CLCA1: variants seen among roughly 807,000 people sequenced by gnomAD.
CLCA1 encodes calcium-activated chloride channel regulator 1.
Under a neutral mutation model 85.6 loss-of-function variants are expected in CLCA1, and 59 were observed. That is an observed-to-expected ratio of 0.69 (90% CI 0.56 to 0.86). The LOEUF is 0.86. Among genes scored for constraint, CLCA1 ranks in the 40% least tolerant of loss-of-function variants. CLCA1 has a pLI of 0.00. For missense variants in CLCA1, 1,022 were observed against 1,101.4 expected (o/e 0.93, Z 1.02); for synonymous variants, 396 against 398.3 (o/e 0.99, Z 0.07).
intron 4 of CLCA1, among the ~76,000 whole-genome samples, 182 bp downstream of exon 4, chr1:86,476,735 A>G (rs1647646643): frequency 6.6e-6 from 1 of 152,110 alleles, no homozygotes; most frequent in Non-Finnish European, 1.5e-5. Context: ...TGCTTCAGTT[A>G]ATTGAATTAT....
intron 6 of CLCA1, 66 bp downstream of exon 6, chr1:86,485,627 C>G: frequency 7.0e-7 from 1 of 1,431,244 alleles, no homozygotes; most frequent in Non-Finnish European, 9.8e-7. Context: ...GACCCTGACT[C>G]GGAACTAGTT....
chr1:86,490,340 T>A (rs1235176165), intron 8 of CLCA1, among the ~76,000 whole-genome samples: 3 of 152,208 alleles, frequency 2.0e-5, no homozygotes, highest in Non-Finnish European at 2.9e-5. Context: ...ATTATTTCCT[T>A]AAGTTCAGAT....
At chr1:86,484,586 G>A (rs1468861942) in intron 5 of CLCA1, among the ~76,000 whole-genome samples, 1 of 152,178 alleles carries the variant, frequency 6.6e-6, no homozygotes, top group Non-Finnish European at 1.5e-5. Context: ...CTGTGAGGTG[G>A]AACAAACAGA....
chr1:86,480,460 A>C (rs936317283), intron 4 of CLCA1, among the ~76,000 whole-genome samples: 7 of 151,884 alleles, frequency 4.6e-5, no homozygotes, highest in African/African-American at 1.7e-4. Flanking sequence ...CCTTCTCTAC[A>C]AAAAATACAA....
At position 86,494,173 on chromosome 1, in the gene CLCA1, T is replaced by A. The variant is rs745568688; in HGVS notation, c.1681-14T>A. 6.2e-7 allele frequency: 1 copy of A among 1,613,534 alleles called. No homozygotes were observed. Among genetic ancestry groups the A allele is most frequent in the East Asian group, 2.2e-5 (1 of 44,868 alleles). On this transcript the variant is annotated splice_polypyrimidine_tract_variant and intron_variant, in intron 10 of 13. Coordinates refer to ENST00000394711, the MANE Select transcript of CLCA1 (RefSeq NM_001285.4). ...AAGTTATTCATTGGAAATGTTTACA[T>A]GTGTTTTGGTCAGGTTGGCACTTGG...
intron 12 of CLCA1, among the ~76,000 whole-genome samples, chr1:86,498,183 GAA>G (rs1648350173): frequency 2.5e-5 from 3 of 119,994 alleles, no homozygotes; most frequent in Non-Finnish European, 5.2e-5. Context: ...AGGAAGGAAG[GAA>G]GGATGGAAGG....
chr1:86,490,190 T>C (rs979735285), intron 8 of CLCA1, among the ~76,000 whole-genome samples: 2 of 152,166 alleles, frequency 1.3e-5, no homozygotes, highest in African/African-American at 4.8e-5. Flanking sequence ...GCATGTTATT[T>C]CTCTAGGTAG....
intron 4 of CLCA1, among the ~76,000 whole-genome samples, chr1:86,478,688 A>T (rs1009130966): frequency 6.6e-6 from 1 of 152,258 alleles, no homozygotes; most frequent in Non-Finnish European, 1.5e-5. Context: ...AGAAAGGGTG[A>T]TTAGTAGTAT....
Position 86,485,413 on chromosome 1 carries a change from T to C in CLCA1, c.806T>C (p.Leu269Pro). The C allele has an allele frequency of 6.2e-7, 1 of 1,614,130 alleles. No homozygotes were observed. Among genetic ancestry groups the C allele is most frequent in the Non-Finnish European group, 8.5e-7 (1 of 1,180,020 alleles). Residue 269 changes from leucine to proline, a missense_variant, in exon 6 of 14, where the codon CTC becomes CCC. Physicochemically the swap from Leu to Pro is moderately conservative, Grantham distance 98. Coordinates refer to ENST00000394711, the MANE Select transcript of CLCA1 (RefSeq NM_001285.4). ...APNKQNQKCN[L>P]RSTWEVIRDS... Reference sequence around the variant, plus strand: ...AACAAGCAAAATCAAAAATGCAATCTCCGAAGCACATGGGAAGTGATCCGT... The same window carrying C: ...AACAAGCAAAATCAAAAATGCAATCCCCGAAGCACATGGGAAGTGATCCGT...
chr1:86,489,698 G>A lies in CLCA1; in HGVS notation c.1357+528G>A, dbSNP rs1370941547. 3.9e-5 allele frequency among the ~76,000 whole-genome samples: 6 copies of A among 152,144 alleles called. No homozygotes were observed. In the East Asian group the frequency reaches 7.7e-4, roughly 20 times the overall value. On this transcript the variant is annotated intron_variant, in intron 8 of 13. Coordinates refer to ENST00000394711, the MANE Select transcript of CLCA1 (RefSeq NM_001285.4). ...TGCAGTTCCTCCATAAAACCTTCAC[G>A]TATTGTGTGTCTAACTCCCATACAC...
intron 3 of CLCA1, 60 bp downstream of exon 3, chr1:86,473,936 C>T: frequency 8.2e-7 from 1 of 1,223,936 alleles, no homozygotes; most frequent in East Asian, 2.4e-5. Context: ...CAAAGTGTAT[C>T]AACACTAGCA....
At chr1:86,496,736 A>G (rs1007989402) in intron 12 of CLCA1, among the ~76,000 whole-genome samples, 1 of 151,814 alleles carries the variant, frequency 6.6e-6, no homozygotes, top group Middle Eastern at 3.2e-3. Context: ...AAAAGATACC[A>G]CTGCATTTTT....
At chr1:86,490,899 TAAAAAAA>T (rs59948810) in intron 8 of CLCA1, among the ~76,000 whole-genome samples, 1 of 89,708 alleles carries the variant, frequency 1.1e-5, no homozygotes, top group African/African-American at 4.0e-5. Flanking sequence ...AACCCATCTC[TAAAAAAA>T]AAAAAAAAAA....
At chr1:86,481,405 C>A (rs893609179) in intron 4 of CLCA1, among the ~76,000 whole-genome samples, 3 of 152,016 alleles carry the variant, frequency 2.0e-5, no homozygotes, top group African/African-American at 7.2e-5. Flanking sequence ...TCCCAAAGTG[C>A]TGGGATTACA....
intron 8 of CLCA1, among the ~76,000 whole-genome samples, chr1:86,490,586 T>C (rs1233266640): frequency 6.6e-6 from 1 of 152,172 alleles, no homozygotes; most frequent in Non-Finnish European, 1.5e-5. Context: ...AGTAAATCGA[T>C]AGTCCTGGAG....
Position 86,469,089 on chromosome 1 carries a change from G to C in CLCA1, c.118G>C (p.Asp40His), listed in dbSNP as rs765003183. ...CTATGAAGGCATTGTCGTTGCAATCGACCCCAATGTGCCAGAAGATGAAAC... is the reference window on the plus strand; with the variant it reads ...CTATGAAGGCATTGTCGTTGCAATCCACCCCAATGTGCCAGAAGATGAAAC... The part of the protein sequence containing the change: ...NGYEGIVVAI[D>H]PNVPEDETLI... Residue 40 changes from aspartate (D) to histidine (H), a missense_variant, in exon 1 of 14, where the codon GAC becomes CAC. Transcript: ENST00000394711. The C allele has an allele frequency of 1.9e-6, 3 of 1,611,392 alleles. No individual in the cohort carries two copies. Among genetic ancestry groups the C allele is most frequent in the Non-Finnish European group, 2.5e-6 (3 of 1,178,412 alleles).
chr1:86,487,164 A>C (rs1368427465), intron 7 of CLCA1, among the ~76,000 whole-genome samples: 1 of 152,174 alleles, frequency 6.6e-6, no homozygotes, highest in African/African-American at 2.4e-5. Flanking sequence ...AGTTCCCTGA[A>C]AGTGGTTTCT....
intron 4 of CLCA1, among the ~76,000 whole-genome samples, chr1:86,478,052 T>C (rs911655098): frequency 6.6e-6 from 1 of 152,206 alleles, no homozygotes; most frequent in African/African-American, 2.4e-5. Context: ...TACTTTTCTC[T>C]TTCTTTATAA....
In CLCA1 at chr1:86,486,545, G is replaced by T. The variant is rs778883060; in HGVS notation, c.974G>T (p.Arg325Leu). The T allele has an allele frequency of 5.0e-6, 8 of 1,614,008 alleles. No homozygotes were observed. In the South Asian group the frequency reaches 8.8e-5, roughly 18 times the overall value. ...GSMATGNRLN[R>L]LNQAGQLFLL... ...ATTTAGACTGGTAACCGCCTCAATC[G>T]ACTGAATCAAGCAGGCCAGCTTTTC... is the stretch of plus-strand genomic sequence containing the variant. Residue 325 changes from arginine (R) to leucine (L), a missense_variant, in exon 7 of 14, where the codon CGA (arginine) becomes CTA (leucine). Coordinates refer to ENST00000394711, the MANE Select transcript of CLCA1 (RefSeq NM_001285.4).
Sources: allele counts gnomAD v4.1 joint callset (sites outside exome capture counted in the v4.1 genomes callset), GRCh38; gene constraint gnomAD v4.1.1; transcripts MANE v1.5; gene names NCBI Gene and HGNC (gene_info 2026-07-23, HGNC 2026-07-21).